The following IQANK1 variants were observed in gnomAD, a reference collection of about 807,000 sequenced individuals.
The protein encoded by IQANK1 is IQ motif and ankyrin repeat domain-containing protein 1.
In IQANK1, 30 loss-of-function variants were observed where a neutral mutation model predicts 22.6. The observed-to-expected ratio is 1.33, with a 90% CI of 0.99 to 1.80. IQANK1 has a LOEUF of 1.80. IQANK1 is among the 40% of genes most tolerant of loss of function. The pLI is 0.00. For missense variants in IQANK1, 275 were observed against 235.2 expected (o/e 1.17, Z -1.11); for synonymous variants, 122 against 99.6 (o/e 1.23, Z -1.34).
At chr8:143,772,554 C>CCCGGGAGGTGTGGGTA (rs1449006704) in intron 7 of IQANK1, 72 bp downstream of exon 7, 1 of 398,664 alleles carries the variant, frequency 2.5e-6, no homozygotes, top group East Asian at 3.6e-5. Flanking sequence ...AGGTGTGAGC[C>CCCGGGAGGTGTGGGTA]CCGGGAGGTG....
chr8:143,754,711 C>T (rs1044573918), intron 3 of IQANK1, among the ~76,000 whole-genome samples: 3 of 152,066 alleles, frequency 2.0e-5, no homozygotes, highest in Admixed American at 6.5e-5. Context: ...CTGCAAGCTC[C>T]GCCTTCTGGG....
intron 3 of IQANK1, among the ~76,000 whole-genome samples, chr8:143,756,419 ATAGG>A (rs1819293906): frequency 1.3e-5 from 2 of 151,720 alleles, no homozygotes; most frequent in African/African-American, 4.9e-5. Flanking sequence ...GTGTGGATCA[ATAGG>A]GAGGAGGTGA....
Position 143,765,375 on chromosome 8 carries a change from A to G in IQANK1, c.176-6113A>G, listed in dbSNP as rs187729491. Among the ~76,000 whole-genome samples the G allele has an allele frequency of 1.1e-4, 16 of 152,124 alleles. No individual in the cohort carries two copies. The East Asian group carries it at 3.1e-3, about 29-fold the overall frequency. The stretch of plus-strand genomic sequence containing the variant: ...TTGTCTCAAAAAAAAAAAATCATAT[A>G]TTTATGATTATATATAATCCTCTCA... On this transcript the variant is annotated intron_variant, in intron 3 of 13. Coordinates refer to ENST00000527139, the MANE Select transcript of IQANK1 (RefSeq NM_001381874.1).
intron 3 of IQANK1, among the ~76,000 whole-genome samples, chr8:143,756,076 C>T (rs534932755): frequency 1.8e-4 from 27 of 152,326 alleles, no homozygotes; most frequent in African/African-American, 6.5e-4. Flanking sequence ...CTCTGGTGGA[C>T]ATTTGCAAAG....
intron 3 of IQANK1, among the ~76,000 whole-genome samples, chr8:143,762,516 G>A (rs567384620): frequency 2.9e-4 from 44 of 152,130 alleles, no homozygotes; most frequent in Non-Finnish European, 4.4e-4. Flanking sequence ...CTATCCCTGT[G>A]CCCTCATCAG....
At position 143,752,996 on chromosome 8, in the gene IQANK1, GTTT is replaced by G. The variant is rs34993930; in HGVS notation, c.175+13071_175+13073del. On this transcript the variant is annotated intron_variant, in intron 3 of 13. Transcript: ENST00000527139. ...CCCACAGGTCCCTTACTCTCTGTTC[GTTT>G]TTTTTTTTTTTTTTTTTTTTTTGAG... Among the ~76,000 whole-genome samples the G allele has an allele frequency of 1.9e-3, 130 of 69,922 alleles. 1 individual carries two copies. The highest frequency in any genetic ancestry group is 7.8e-3 in the African/African-American group (126 of 16,066). The allele number at this position is 69,922 out of a possible 152,430, so 45.9% of individuals were successfully genotyped here.
chr8:143,755,916 A>T (rs1554628426), intron 3 of IQANK1, among the ~76,000 whole-genome samples: 4 of 152,068 alleles, frequency 2.6e-5, no homozygotes, highest in Non-Finnish European at 5.9e-5. Flanking sequence ...GGAAGATCTA[A>T]TCTATGTTGT....
chr8:143,774,109 CAT>C lies in IQANK1; in HGVS notation c.789+1629_789+1630del, dbSNP rs1299112336. Among the ~76,000 whole-genome samples the C allele has an allele frequency of 1.2e-4, 18 of 148,780 alleles. No individual in the cohort carries two copies. Among genetic ancestry groups the C allele is most frequent in the African/African-American group, 4.2e-4 (17 of 40,260 alleles). On this transcript the variant is annotated intron_variant, in intron 7 of 13. Transcript: ENST00000527139. This position sits in a 1 kb window ranked among gnomAD's most constrained non-coding sequence, Gnocchi z 4.2. Reference sequence around the variant, plus strand: ...GTAAAATTACAAAACTTTTAGAACACATAGGAGAAAAATCTTTGGGGCCTAGG... The same window carrying C: ...GTAAAATTACAAAACTTTTAGAACACAGGAGAAAAATCTTTGGGGCCTAGG...
chr8:143,752,311 C>T (rs184817606), intron 3 of IQANK1, among the ~76,000 whole-genome samples: 97 of 152,264 alleles, frequency 6.4e-4, no homozygotes, highest in South Asian at 1.7e-3. Context: ...CTTCTGGCCT[C>T]CAAGTTTCTG....
intron 3 of IQANK1, among the ~76,000 whole-genome samples, chr8:143,762,695 C>T (rs1554628955): frequency 6.6e-6 from 1 of 152,178 alleles, no homozygotes; most frequent in Non-Finnish European, 1.5e-5. Flanking sequence ...CACTGCATAA[C>T]AGGTGGTAAA....
chr8:143,742,591 A>G (rs782185329), intron 3 of IQANK1: 1 of 456,096 alleles, frequency 2.2e-6, no homozygotes, highest in South Asian at 1.5e-5. Flanking sequence ...GGAGCTGGGA[A>G]ACCCAGCCTG....
At chr8:143,786,753 G>T (rs1819896703) in intron 7 of IQANK1, among the ~76,000 whole-genome samples, 1 of 152,192 alleles carries the variant, frequency 6.6e-6, no homozygotes, top group East Asian at 1.9e-4. Context: ...TAAGAAAGGT[G>T]GCCAAGGTGG....
chr8:143,775,960 C>T (rs1420405485), intron 7 of IQANK1, among the ~76,000 whole-genome samples: 1 of 151,950 alleles, frequency 6.6e-6, no homozygotes, highest in African/African-American at 2.4e-5. Flanking sequence ...AGAAACTCTC[C>T]AAAATGAAAC....
chr8:143,751,664 G>GTGTGTGTATATATATATATATATATA (rs370428606), intron 3 of IQANK1, among the ~76,000 whole-genome samples: 7 of 61,548 alleles, frequency 1.1e-4, no homozygotes, highest in East Asian at 3.8e-4. Context: ...GTGTGTGTGT[G>GTGTGTGTATATATATATATATATATA]TATATATATA....
At position 143,789,081 on chromosome 8, in the gene IQANK1, G is replaced by C; in HGVS notation, c.938+18G>C. ...TGTGGAAGGCAGGAGGGGTGTGGGA[G>C]GTGCTGGCGAGGGGTGCTGGCAAGG... On this transcript the variant is annotated intron_variant, in intron 8 of 13. Coordinates refer to ENST00000527139, the MANE Select transcript of IQANK1 (RefSeq NM_001381874.1). The C allele has an allele frequency of 5.0e-6, 2 of 401,406 alleles. No homozygotes were observed. Among genetic ancestry groups the C allele is most frequent in the Non-Finnish European group, 4.4e-6 (1 of 227,760 alleles). The allele number at this position is 401,406 out of a possible 1,614,324, so 24.9% of individuals were successfully genotyped here.
rs1363892588 is a variant in IQANK1, at chr8:143,774,119, A to G, written c.789+1637A>G. ...AAAACTTTTAGAACACATAGGAGAAAAATCTTTGGGGCCTAGGACTTGGAG... is the reference window on the plus strand; with the variant it reads ...AAAACTTTTAGAACACATAGGAGAAGAATCTTTGGGGCCTAGGACTTGGAG... On this transcript the variant is annotated intron_variant, in intron 7 of 13. Transcript: ENST00000527139. The surrounding 1 kb of genome is among the most constrained non-coding windows in gnomAD (Gnocchi z 4.2). Among the ~76,000 whole-genome samples the G allele has an allele frequency of 6.6e-6, 1 of 152,126 alleles. No homozygotes were observed. The highest frequency in any genetic ancestry group is 2.4e-5 in the African/African-American group (1 of 41,390).
At chr8:143,779,398 A>G (rs1461650142) in intron 7 of IQANK1, among the ~76,000 whole-genome samples, 1 of 152,146 alleles carries the variant, frequency 6.6e-6, no homozygotes, top group Admixed American at 6.5e-5. Context: ...TTGAACGATG[A>G]ATTCATCCAT....
chr8:143,747,910 G>GTCCTTTCCTTTTCCTT (rs1819061047), intron 3 of IQANK1, among the ~76,000 whole-genome samples: 1 of 106,248 alleles, frequency 9.4e-6, no homozygotes, highest in Non-Finnish European at 1.9e-5. Context: ...ATTGTGTTAA[G>GTCCTTTCCTTTTCCTT]TCCTTTCCTT....
chr8:143,742,240 T>C (rs1477932673), intron 3 of IQANK1: 4 of 384,848 alleles, frequency 1.0e-5, no homozygotes, highest in African/African-American at 8.3e-5. Flanking sequence ...GTGTCCGGAG[T>C]CAGTGATACA....
Sources: allele counts gnomAD v4.1 joint callset (sites outside exome capture counted in the v4.1 genomes callset), GRCh38; gene constraint gnomAD v4.1.1; non-coding constraint Gnocchi (gnomAD v3.1); transcripts MANE v1.5; gene names NCBI Gene and HGNC (gene_info 2026-07-23, HGNC 2026-07-21).